The following GLRB variants were observed in gnomAD, a reference collection of about 807,000 sequenced individuals.
GLRB encodes the protein glycine receptor beta, also known as glycine receptor subunit beta.
In GLRB, 33 loss-of-function variants were observed where a neutral mutation model predicts 54.2. The observed-to-expected ratio is 0.61, with a 90% CI of 0.46 to 0.81. The LOEUF (loss-of-function observed/expected upper bound fraction) is 0.81, where lower values mean the gene tolerates loss of function less well. Ranked by LOEUF, GLRB falls within the 40% of genes least tolerant of loss-of-function variation. The pLI, the probability that GLRB is intolerant of heterozygous loss-of-function variation, is 0.00. For synonymous variants in GLRB, 209 were observed against 208.2 expected, an observed-to-expected ratio of 1.00 and a Z score of -0.03; for missense variants, 572 against 584.6, an observed-to-expected ratio of 0.98 and a Z score of 0.22.
At chr4:157,165,077 T>C (rs1249736066) in intron 9 of GLRB, among the ~76,000 whole-genome samples, 1 of 152,058 alleles carries the variant, frequency 6.6e-6, no homozygotes, top group Non-Finnish European at 1.5e-5. Flanking sequence ...TAGAAATAAA[T>C]GTAAATTACT....
chr4:157,122,165 C>T lies in GLRB; in HGVS notation c.230-165C>T, dbSNP rs41280499. Among the ~76,000 whole-genome samples the T allele has an allele frequency of 0.42, 63,461 of 149,572 alleles. 15,770 individuals are homozygous for T. Among genetic ancestry groups the T allele is most frequent in the African/African-American group, 0.7 (28,712 of 41,124 alleles). ...GTATTATGATTCCTATTTAGAAAAACAAGTTAATAGCAATTATGAACATGT... is the reference window on the plus strand; with the variant it reads ...GTATTATGATTCCTATTTAGAAAAATAAGTTAATAGCAATTATGAACATGT... On this transcript the variant is annotated intron_variant, in intron 3 of 9. Coordinates refer to ENST00000264428, the MANE Select transcript of GLRB (RefSeq NM_000824.5).
chr4:157,168,972 T>C (rs1466933182), intron 9 of GLRB, among the ~76,000 whole-genome samples: 1 of 152,120 alleles, frequency 6.6e-6, no homozygotes, highest in Non-Finnish European at 1.5e-5. Context: ...AACACTGCTA[T>C]CTGGCTCTTG....
At chr4:157,097,837 A>G (rs1245159711) in intron 2 of GLRB, among the ~76,000 whole-genome samples, 1 of 152,170 alleles carries the variant, frequency 6.6e-6, no homozygotes, top group Non-Finnish European at 1.5e-5. Flanking sequence ...CCTGGCCACA[A>G]TGGTGAAACC....
At chr4:157,078,917 T>G (rs1322746020) in intron 2 of GLRB, among the ~76,000 whole-genome samples, 1 of 152,030 alleles carries the variant, frequency 6.6e-6, no homozygotes, top group Admixed American at 6.6e-5. Context: ...GGATTACAGG[T>G]GCCCACCACC....
chr4:157,106,288 G>A (rs1735220834), intron 2 of GLRB, among the ~76,000 whole-genome samples: 1 of 152,108 alleles, frequency 6.6e-6, no homozygotes, highest in Non-Finnish European at 1.5e-5. Context: ...AGGTTCACAT[G>A]TACTTGACAA....
chr4:157,156,466 A>G (rs959045416), intron 9 of GLRB, among the ~76,000 whole-genome samples: 1 of 152,180 alleles, frequency 6.6e-6, no homozygotes, highest in East Asian at 1.9e-4. Context: ...TTCTAGGTAC[A>G]CAGTCACATC....
intron 2 of GLRB, among the ~76,000 whole-genome samples, chr4:157,113,596 C>G (rs182313802): frequency 1.3e-5 from 2 of 151,976 alleles, no homozygotes; most frequent in Admixed American, 1.3e-4. Context: ...ATAGTTGCTT[C>G]TACTTTATGC....
chr4:157,106,365 G>A (rs1473207513), intron 2 of GLRB, among the ~76,000 whole-genome samples: 1 of 152,066 alleles, frequency 6.6e-6, no homozygotes, highest in Non-Finnish European at 1.5e-5. Context: ...ATTAGAATGT[G>A]CATGTTGATG....
At chr4:157,135,692 G>A (rs745887668) in intron 4 of GLRB, among the ~76,000 whole-genome samples, 4 of 152,028 alleles carry the variant, frequency 2.6e-5, no homozygotes, top group Non-Finnish European at 4.4e-5. Context: ...TATTGGCAGC[G>A]TGAGAACAGA....
chr4:157,080,684 A>G (rs2126417426), intron 2 of GLRB, among the ~76,000 whole-genome samples: 1 of 152,296 alleles, frequency 6.6e-6, no homozygotes, highest in South Asian at 2.1e-4. Flanking sequence ...AAACATCTTG[A>G]CTAAGAGGAA....
At chr4:157,122,952 G>C (rs1489485184) in intron 4 of GLRB, among the ~76,000 whole-genome samples, 1 of 151,688 alleles carries the variant, frequency 6.6e-6, no homozygotes, top group Non-Finnish European at 1.5e-5. Context: ...AGACTGGGAA[G>C]GAGTGACAAG....
At chr4:157,138,339 G>A (rs1736483691) in intron 6 of GLRB, among the ~76,000 whole-genome samples, 1 of 152,162 alleles carries the variant, frequency 6.6e-6, no homozygotes, top group Non-Finnish European at 1.5e-5. Context: ...CTCCCAAAGT[G>A]CTGGGATTAC....
chr4:157,080,160 G>T (rs990413217), intron 2 of GLRB, among the ~76,000 whole-genome samples: 1 of 152,140 alleles, frequency 6.6e-6, no homozygotes, highest in Non-Finnish European at 1.5e-5. Context: ...ATTTAAGACA[G>T]ATTTTCAAAG....
chr4:157,117,044 GTT>G (rs1735633510), intron 2 of GLRB, among the ~76,000 whole-genome samples: 1 of 151,426 alleles, frequency 6.6e-6, no homozygotes, highest in Non-Finnish European at 1.5e-5. Context: ...ACAAAAATTT[GTT>G]TTTAACAGTG....
rs148836456 is a variant in GLRB, at chr4:157,140,482, G to A, written c.751+1533G>A. On this transcript the variant is annotated intron_variant, in intron 7 of 9. Transcript: ENST00000264428. ...GATTATAGTTCTTAGAGATTTTTGAGACTGTCATATAAGAACACGTACTTA... is the reference window on the plus strand; with the variant it reads ...GATTATAGTTCTTAGAGATTTTTGAAACTGTCATATAAGAACACGTACTTA... Among the ~76,000 whole-genome samples the A allele has an allele frequency of 5.3e-5, 8 of 152,014 alleles. No homozygotes were observed. In the East Asian group the frequency reaches 1.5e-3, roughly 29 times the overall value.
chr4:157,135,246 A>G (rs955172847), intron 4 of GLRB, among the ~76,000 whole-genome samples: 1 of 152,110 alleles, frequency 6.6e-6, no homozygotes. Context: ...TTAAGGACAT[A>G]ATATTTTATC....
At chr4:157,166,577 T>A (rs1274754663) in intron 9 of GLRB, among the ~76,000 whole-genome samples, 3 of 152,214 alleles carry the variant, frequency 2.0e-5, no homozygotes, top group African/African-American at 7.2e-5. Flanking sequence ...TTATTCTTTA[T>A]TCAGTATGTC....
chr4:157,156,966 G>A (rs1395988251), intron 9 of GLRB, among the ~76,000 whole-genome samples: 2 of 152,150 alleles, frequency 1.3e-5, no homozygotes, highest in Non-Finnish European at 2.9e-5. Flanking sequence ...GATGAGTGCT[G>A]CTTCATTACT....
intron 9 of GLRB, among the ~76,000 whole-genome samples, chr4:157,162,560 G>T (rs1409085005): frequency 6.6e-6 from 1 of 152,212 alleles, no homozygotes; most frequent in Non-Finnish European, 1.5e-5. Context: ...CAACAGTCAG[G>T]ACCCTCAGCT....
Sources: allele counts gnomAD v4.1 joint callset (sites outside exome capture counted in the v4.1 genomes callset), GRCh38; gene constraint gnomAD v4.1.1; transcripts MANE v1.5; gene names NCBI Gene and HGNC (gene_info 2026-07-23, HGNC 2026-07-21).